KCNIP1: variants seen among roughly 807,000 people sequenced by gnomAD.
KCNIP1 encodes A-type potassium channel modulatory protein KCNIP1.
KCNIP1 carries 18 observed loss-of-function variants against 33.0 expected under a neutral mutation model. That is an observed-to-expected ratio of 0.55 (90% CI 0.38 to 0.81). The LOEUF is 0.81. KCNIP1 is among the 30% of genes least tolerant of loss of function. The pLI is 0.00. For missense variants in KCNIP1, 238 were observed against 271.6 expected, an observed-to-expected ratio of 0.88 and a Z score of 0.87; for synonymous variants, 93 against 98.3, an observed-to-expected ratio of 0.95 and a Z score of 0.32.
At position 170,354,029 on chromosome 5, in the gene KCNIP1, G is replaced by A. The variant is rs375149447; in HGVS notation, c.88+65G>A. The A allele has an allele frequency of 4.5e-3, 6,424 of 1,424,274 alleles. 34 individuals are homozygous for A. The highest frequency in any genetic ancestry group is 0.014 in the South Asian group (1,191 of 86,320). The allele number at this position is 1,424,274 out of a possible 1,614,324, so 88.2% of individuals were successfully genotyped here. On this transcript the variant is annotated intron_variant, in intron 1 of 7. Transcript: ENST00000377360. ...ATGGCCTGGCTGGTCGCATTGCCTC[G>A]GTGTGGTGAGCGTGACCATTCTGGT...
intron 1 of KCNIP1, among the ~76,000 whole-genome samples, chr5:170,549,217 A>C (rs187216380): frequency 6.6e-6 from 1 of 152,334 alleles, no homozygotes; most frequent in East Asian, 1.9e-4. Context: ...CCAGAGTTTC[A>C]AGGATTAAAT....
chr5:170,491,744 G>A lies in KCNIP1; in HGVS notation c.88+137780G>A, dbSNP rs1301423931. On this transcript the variant is annotated intron_variant, in intron 1 of 7. Transcript: ENST00000377360. The stretch of plus-strand genomic sequence containing the variant: ...ATCTAGACCTACAGGGGAGGTCTTG[G>A]CAGTTACAGCAAACTCAGGGAATTT... Among the ~76,000 whole-genome samples, 3 of 152,160 alleles carry A rather than the reference G, an allele frequency of 2.0e-5. No homozygotes were observed. The East Asian group carries it at 5.8e-4, about 29-fold the overall frequency.
At chr5:170,413,026 A>G (rs113749584) in intron 1 of KCNIP1, among the ~76,000 whole-genome samples, 11,033 of 152,300 alleles carry the variant, frequency 0.072, 471 homozygotes, top group African/African-American at 0.11. Flanking sequence ...CACAGGCAGT[A>G]TCCTCAGTGC....
At chr5:170,652,073 G>T (rs1209221569) in intron 1 of KCNIP1, among the ~76,000 whole-genome samples, 1 of 152,168 alleles carries the variant, frequency 6.6e-6, no homozygotes, top group Non-Finnish European at 1.5e-5. Context: ...TGAGGAGCTG[G>T]CTGGCTGTGG....
intron 1 of KCNIP1, among the ~76,000 whole-genome samples, chr5:170,628,242 C>T (rs1161072009): frequency 6.6e-6 from 1 of 152,164 alleles, no homozygotes; most frequent in Non-Finnish European, 1.5e-5. Context: ...GCCCTTCTCC[C>T]AGGCACACAC....
In KCNIP1 at chr5:170,634,392, T is replaced by G. The variant is rs117941852; in HGVS notation, c.62-84366T>G. ...TGAGTTGCAATAGGCCCAAAATGAT[T>G]CAATAGGCCCAACATGGGGCCCAAG... On this transcript the variant is annotated intron_variant, in intron 1 of 7. Coordinates refer to ENST00000328939, the MANE Select transcript of KCNIP1 (RefSeq NM_014592.4). Among the ~76,000 whole-genome samples, 116 of 152,214 alleles carry G rather than the reference T, an allele frequency of 7.6e-4. 3 individuals are homozygous for G. In the East Asian group the frequency reaches 0.016, roughly 21 times the overall value.
At chr5:170,675,407 C>G (rs978948205) in intron 1 of KCNIP1, among the ~76,000 whole-genome samples, 5 of 152,168 alleles carry the variant, frequency 3.3e-5, no homozygotes, top group African/African-American at 1.2e-4. Context: ...ATCACGAGGT[C>G]AGGAGATCAA....
chr5:170,641,811 T>C (rs1487992980), intron 1 of KCNIP1, among the ~76,000 whole-genome samples: 1 of 152,204 alleles, frequency 6.6e-6, no homozygotes, highest in Non-Finnish European at 1.5e-5. Flanking sequence ...TTCGAATGGC[T>C]GAGACCTACT....
At chr5:170,663,633 T>C (rs1581466505) in intron 1 of KCNIP1, among the ~76,000 whole-genome samples, 1 of 152,108 alleles carries the variant, frequency 6.6e-6, no homozygotes, top group African/African-American at 2.4e-5. Context: ...TGCCCCAGTG[T>C]TCCCCACTCA....
chr5:170,734,716 G>A (rs961329572), intron 7 of KCNIP1, among the ~76,000 whole-genome samples: 1 of 152,200 alleles, frequency 6.6e-6, no homozygotes, highest in Non-Finnish European at 1.5e-5. Flanking sequence ...AGAAAGCCGG[G>A]GAGAAGTTCC....
chr5:170,693,981 C>A (rs562719833), intron 1 of KCNIP1, among the ~76,000 whole-genome samples: 1 of 152,184 alleles, frequency 6.6e-6, no homozygotes, highest in South Asian at 2.1e-4. Flanking sequence ...AGGAGAGCCT[C>A]AAACTCTTCA....
chr5:170,551,532 C>T (rs1756633865), intron 1 of KCNIP1, among the ~76,000 whole-genome samples: 1 of 152,188 alleles, frequency 6.6e-6, no homozygotes, highest in Non-Finnish European at 1.5e-5. Flanking sequence ...CCAGGGCTTC[C>T]CCAGGTTTGG....
At chr5:170,499,910 A>T (rs1051227753), upstream of KCNIP1, among the ~76,000 whole-genome samples, 2 of 152,204 alleles carry the variant, frequency 1.3e-5, no homozygotes, top group African/African-American at 4.8e-5. Context: ...TTATGGCAGA[A>T]GGAAGGCCTT....
At chr5:170,556,106 A>G (rs1294467885) in intron 1 of KCNIP1, among the ~76,000 whole-genome samples, 5 of 152,210 alleles carry the variant, frequency 3.3e-5, no homozygotes, top group African/African-American at 4.8e-5. Context: ...TATGCACAGG[A>G]ACCACGTCCG....
At chr5:170,456,701 T>TTTTCTTTTTTTCTTTCTTTC (rs1554093875) in intron 1 of KCNIP1, among the ~76,000 whole-genome samples, 1 of 135,680 alleles carries the variant, frequency 7.4e-6, no homozygotes, top group Non-Finnish European at 1.5e-5. Context: ...CTCTCTCTCT[T>TTTTCTTTTTTTCTTTCTTTC]TTTCTTTCTT....
intron 1 of KCNIP1, among the ~76,000 whole-genome samples, chr5:170,629,400 G>T (rs77757559): frequency 6.6e-6 from 1 of 152,332 alleles, no homozygotes; most frequent in Non-Finnish European, 1.5e-5. Flanking sequence ...CCCAGGACCT[G>T]CTCCACCCTT....
intron 1 of KCNIP1, among the ~76,000 whole-genome samples, chr5:170,602,827 T>A (rs1758746919): frequency 6.6e-6 from 1 of 152,222 alleles, no homozygotes; most frequent in African/African-American, 2.4e-5. Context: ...GAGCTTCCCC[T>A]TCCCAAGGGC....
intron 1 of KCNIP1, among the ~76,000 whole-genome samples, chr5:170,617,118 T>C (rs1045535938): frequency 7.2e-5 from 11 of 151,890 alleles, no homozygotes; most frequent in African/African-American, 1.9e-4. Context: ...ACAAATATTT[T>C]CTCTGAGCTA....
chr5:170,636,739 G>A (rs1194645585), intron 1 of KCNIP1, among the ~76,000 whole-genome samples: 1 of 152,132 alleles, frequency 6.6e-6, no homozygotes, highest in Non-Finnish European at 1.5e-5. Context: ...CAAGGTGGGG[G>A]TCAGAAAATG....
Sources: allele counts gnomAD v4.1 joint callset (sites outside exome capture counted in the v4.1 genomes callset), GRCh38; gene constraint gnomAD v4.1.1; transcripts MANE v1.5; gene names NCBI Gene and HGNC (gene_info 2026-07-23, HGNC 2026-07-21).